DHX34: variants seen among roughly 807,000 people sequenced by gnomAD.
DHX34 encodes the protein DExH-box helicase 34.
Under a neutral mutation model 111.1 loss-of-function variants are expected in DHX34, and 96 were observed. The observed-to-expected ratio is 0.86, with a 90% CI of 0.73 to 1.02. The LOEUF is 1.02. Ranked by LOEUF, DHX34 falls within the 50% of genes least tolerant of loss-of-function variation. The pLI is 0.00. For synonymous variants in DHX34, 688 were observed against 670.4 expected (o/e 1.03, Z -0.41); for missense variants, 1,560 against 1,579.9 (o/e 0.99, Z 0.21).
At chr19:47,366,430 G>A (rs1459331681) in intron 6 of DHX34, among the ~76,000 whole-genome samples, 1 of 150,842 alleles carries the variant, frequency 6.6e-6, no homozygotes, top group Non-Finnish European at 1.5e-5. Flanking sequence ...ACAGGCACTC[G>A]CCACCACACC....
intron 5 of DHX34, among the ~76,000 whole-genome samples, chr19:47,360,861 G>C (rs1599758833): frequency 6.6e-6 from 1 of 151,962 alleles, no homozygotes; most frequent in African/African-American, 2.4e-5. Flanking sequence ...TAGGAGAGAT[G>C]GGGTTTCACC....
intron 1 of DHX34, among the ~76,000 whole-genome samples, chr19:47,349,692 TAG>T (rs377686177): frequency 1.4e-4 from 21 of 152,102 alleles, no homozygotes; most frequent in African/African-American, 4.8e-4. Context: ...GCGAGAGTCT[TAG>T]AGCCCACGAG....
In DHX34 at chr19:47,359,986, C is replaced by G. The variant is rs1969576329; in HGVS notation, c.1291C>G (p.Pro431Ala). 1.9e-6 allele frequency: 3 copies of G among 1,614,122 alleles called. No individual in the cohort carries two copies. The highest frequency in any genetic ancestry group is 2.5e-6 in the Non-Finnish European group (3 of 1,180,010). ...DQDKVFDVAP[P>A]GVRKCILSTN... The stretch of plus-strand genomic sequence containing the variant: ...CTCCCAGGTATTTGATGTGGCACCC[C>G]CTGGAGTCCGGAAATGCATCCTCTC... Residue 431 changes from proline (P) to alanine (A), a missense_variant, in exon 5 of 17, where the codon CCT becomes GCT. Transcript: ENST00000328771.
intron 14 of DHX34, 30 bp downstream of exon 14, chr19:47,380,015 C>T (rs771300890): frequency 1.3e-6 from 2 of 1,550,790 alleles, no homozygotes; most frequent in Admixed American, 3.6e-5. Flanking sequence ...CCGTGCCTCC[C>T]TATGGCCAGA....
At position 47,379,949 on chromosome 19, in the gene DHX34, C is replaced by A. The variant is rs961394144; in HGVS notation, c.2946C>A (p.Thr982=). Residue 982 remains threonine (T), a synonymous_variant, in exon 14 of 17, where the codon ACC becomes ACA. Transcript: ENST00000328771. ...DTPVSPKEVA[T]LSKELLQFTA... ...CAGTCAGCCCCAAGGAGGTGGCCAC[C>A]CTGAGCAAGGAACTCCTGCAATTCA... 6.2e-7 allele frequency: 1 copy of A among 1,600,378 alleles called. No individual in the cohort carries two copies. The highest frequency in any genetic ancestry group is 8.6e-7 in the Non-Finnish European group (1 of 1,169,052).
chr19:47,378,793 T>G (rs1970252605), intron 13 of DHX34, among the ~76,000 whole-genome samples: 1 of 147,970 alleles, frequency 6.8e-6, no homozygotes, highest in Non-Finnish European at 1.5e-5. Flanking sequence ...CTGTGATTGT[T>G]GACACTGCAC....
At chr19:47,367,178 A>C (rs1969817038) in intron 7 of DHX34, 23 bp downstream of exon 7, 3 of 1,448,052 alleles carry the variant, frequency 2.1e-6, no homozygotes, top group Non-Finnish European at 1.8e-6. Flanking sequence ...CCCCCTCCTG[A>C]TCACTCAGGG....
rs752953078 is a variant in DHX34, at chr19:47,372,785, C to T, written c.1824C>T (p.Ile608=). ...GCCTGGTGGAGCCTGTGCTCACCATCGCAGCCGCACTTAGCGTCCAGTCGC... is the reference window on the plus strand; with the variant it reads ...GCCTGGTGGAGCCTGTGCTCACCATTGCAGCCGCACTTAGCGTCCAGTCGC... ...MFSLVEPVLT[I]AAALSVQSPF... is the part of the protein sequence containing the mutation. Residue 608 remains isoleucine (I), a synonymous_variant, in exon 8 of 17, where the codon ATC becomes ATT. Coordinates refer to ENST00000328771, the MANE Select transcript of DHX34 (RefSeq NM_014681.6). The T allele has an allele frequency of 8.7e-6, 14 of 1,612,502 alleles. No individual in the cohort carries two copies. Among genetic ancestry groups the T allele is most frequent in the South Asian group, 4.4e-5 (4 of 91,062 alleles).
At chr19:47,367,895 C>CAAAAAA in intron 7 of DHX34, among the ~76,000 whole-genome samples, 2 of 46,128 alleles carry the variant, frequency 4.3e-5, no homozygotes, top group South Asian at 7.5e-4. Context: ...GACTCCATCT[C>CAAAAAA]AAAAAAAAAA....
At position 47,382,425 on chromosome 19, in the gene DHX34, C is replaced by T. The variant is rs1162978962; in HGVS notation, c.*312C>T. On this transcript the variant is annotated 3_prime_UTR_variant, in exon 17 of 17. Transcript: ENST00000328771. ...GGGCGTTAGAGCCAGCAGGGACCTC[C>T]CATGTCTCCAGATTCCAGGTGCAGG... 2 of 319,012 alleles carry T rather than the reference C, an allele frequency of 6.3e-6. No homozygotes were observed. Among genetic ancestry groups the T allele is most frequent in the African/African-American group, 4.3e-5 (2 of 46,464 alleles). 19.8% of individuals were successfully genotyped at this position (319,012 alleles called of 1,614,324 possible).
chr19:47,352,011 G>A (rs1259361784), intron 1 of DHX34, among the ~76,000 whole-genome samples: 4 of 152,176 alleles, frequency 2.6e-5, no homozygotes, highest in East Asian at 1.9e-4. Flanking sequence ...ACTGGACCCC[G>A]GGTGAAGAAC....
At chr19:47,354,206 A>G (rs1213871667) in intron 2 of DHX34, among the ~76,000 whole-genome samples, 1 of 152,118 alleles carries the variant, frequency 6.6e-6, no homozygotes, top group East Asian at 1.9e-4. Flanking sequence ...CAGGTGATCC[A>G]CCCACTTCGG....
Position 47,358,033 on chromosome 19 carries a change from G to A in DHX34, c.1185G>A (p.Leu395=), listed in dbSNP as rs765630323. 4 of 1,613,304 alleles carry A rather than the reference G, an allele frequency of 2.5e-6. No individual in the cohort carries two copies. The highest frequency in any genetic ancestry group is 2.7e-5 in the African/African-American group (2 of 74,962). Residue 395 remains leucine, a synonymous_variant, in exon 4 of 17, where the codon CTG becomes CTA. Transcript: ENST00000328771. ...GCATGGCGGAGATCAGCGCCGTGCT[G>A]GAGGCTGCCCAGACCTATGCCAGCC... ...LSGMAEISAV[L]EAAQTYASHT... is the part of the protein sequence containing the mutation.
chr19:47,363,583 C>T (rs1300193399), intron 6 of DHX34, among the ~76,000 whole-genome samples: 1 of 151,800 alleles, frequency 6.6e-6, no homozygotes, highest in East Asian at 2.0e-4. Flanking sequence ...TTTGGGAGGC[C>T]AAGGCAGGTG....
At chr19:47,361,198 A>G (rs1465982263) in intron 5 of DHX34, among the ~76,000 whole-genome samples, 1 of 151,890 alleles carries the variant, frequency 6.6e-6, no homozygotes, top group Non-Finnish European at 1.5e-5. Context: ...TGGCTCACAC[A>G]TGTAATACCA....
At chr19:47,367,964 C>T (rs1224595308) in intron 7 of DHX34, among the ~76,000 whole-genome samples, 1 of 151,668 alleles carries the variant, frequency 6.6e-6, no homozygotes, top group South Asian at 2.1e-4. Flanking sequence ...CTGATTCAAC[C>T]TAATATACCT....
chr19:47,362,491 T>C lies in DHX34; in HGVS notation c.1391T>C (p.Met464Thr), dbSNP rs746207981. ...TCCCATCCAGGAAAGGTGAAGGAGA[T>C]GAGCTACGATCCGCAGGCCAAGCTG... ...FVVDSGKVKE[M>T]SYDPQAKLQR... The change falls in exon 6 of 17, where the codon ATG becomes ACG. Residue 464 changes from methionine to threonine, a missense_variant. Physicochemically the swap from Met to Thr is moderately conservative, Grantham distance 81. Transcript: ENST00000328771. 2.4e-5 allele frequency: 38 copies of C among 1,589,368 alleles called. No homozygotes were observed. The highest frequency in any genetic ancestry group is 3.0e-5 in the Non-Finnish European group (35 of 1,165,186).
At position 47,367,030 on chromosome 19, in the gene DHX34, C is replaced by A; in HGVS notation, c.1643C>A (p.Pro548His). Residue 548 changes from proline (P) to histidine (H), a missense_variant, in exon 7 of 17, where the codon CCC (proline) becomes CAC (histidine). Physicochemically the swap from Pro to His is moderately conservative, Grantham distance 77. Transcript: ENST00000328771. ...GDPRTFPFIE[P>H]PPPASLETAI... ...CCCCGAACCTTCCCCTTCATCGAGC[C>A]CCCACCACCAGCCAGCCTGGAAACC... is the stretch of plus-strand genomic sequence containing the variant. 6.3e-7 allele frequency: 1 copy of A among 1,599,200 alleles called. No homozygotes were observed. Among genetic ancestry groups the A allele is most frequent in the Non-Finnish European group, 8.5e-7 (1 of 1,172,528 alleles).
Position 47,353,251 on chromosome 19 carries a change from A to C in DHX34, c.221A>C (p.Lys74Thr), listed in dbSNP as rs965220993. The C allele has an allele frequency of 1.2e-6, 2 of 1,614,084 alleles. No individual in the cohort carries two copies. The highest frequency in any genetic ancestry group is 1.7e-6 in the Non-Finnish European group (2 of 1,180,042). The stretch of plus-strand genomic sequence containing the variant: ...CGCCTGCAGAGATTCCAGAATCTCA[A>C]GACCTCCAGGAAGGAGGAGAAAGAC... ...FERLQRFQNL[K>T]TSRKEEKDPG... is the part of the protein sequence containing the mutation. The change falls in exon 2 of 17, where the codon AAG (lysine) becomes ACG (threonine). Residue 74 changes from lysine to threonine, a missense_variant. Physicochemically the swap from Lys to Thr is moderately conservative, Grantham distance 78. Transcript: ENST00000328771. The surrounding 1 kb of genome is among the most constrained non-coding windows in gnomAD (Gnocchi z 4.6).
Sources: allele counts gnomAD v4.1 joint callset (sites outside exome capture counted in the v4.1 genomes callset), GRCh38; gene constraint gnomAD v4.1.1; non-coding constraint Gnocchi (gnomAD v3.1); transcripts MANE v1.5; gene names NCBI Gene and HGNC (gene_info 2026-07-23, HGNC 2026-07-21).